Variants in UNC13C observed in about 807,000 individuals in gnomAD.
UNC13C encodes the protein protein unc-13 homolog C.
In UNC13C, 174 loss-of-function variants were observed where a neutral mutation model predicts 245.4. That is an observed-to-expected ratio of 0.71 (90% CI 0.63 to 0.80). UNC13C has a LOEUF of 0.80. Ranked by LOEUF, UNC13C falls within the 30% of genes least tolerant of loss-of-function variation. The pLI is 0.00. For missense variants in UNC13C, 2,829 were observed against 2,602.9 expected, an observed-to-expected ratio of 1.09 and a Z score of -1.89; for synonymous variants, 992 against 895.1, an observed-to-expected ratio of 1.11 and a Z score of -1.93.
intron 4 of UNC13C, among the ~76,000 whole-genome samples, chr15:54,153,924 A>G (rs1354333058): frequency 6.6e-6 from 1 of 152,032 alleles, no homozygotes; most frequent in Non-Finnish European, 1.5e-5. Context: ...ATTGGTATAT[A>G]ATAGAGGTAC....
the UNC13C span, among the ~76,000 whole-genome samples, chr15:53,946,213 G>T: frequency 6.6e-6 from 1 of 151,994 alleles, no homozygotes; most frequent in African/African-American, 2.4e-5. Context: ...TTCATATTTG[G>T]ATGCCCTTTA....
intron 4 of UNC13C, among the ~76,000 whole-genome samples, chr15:54,200,078 A>G (rs868615772): frequency 1.3e-5 from 2 of 152,136 alleles, no homozygotes; most frequent in Non-Finnish European, 2.9e-5. Flanking sequence ...GCGGTTAAAA[A>G]AGACAAAGAG....
intron 19 of UNC13C, among the ~76,000 whole-genome samples, chr15:54,422,776 A>C (rs1301599571): frequency 6.6e-6 from 1 of 151,768 alleles, no homozygotes; most frequent in South Asian, 2.1e-4. Context: ...ACTCCCACGC[A>C]TCTCCAACTC....
Position 54,015,720 on chromosome 15 carries a change from T to A in UNC13C, c.2817T>A (p.Asn939Lys). ...GTGAAGAGGGGTTAGAACCCTTAAA[T>A]GAAACATCAGCTGAGATGGAAATAA... ...MVSEEGLEPL[N>K]ETSAEMEIRE... Residue 939 changes from asparagine (N) to lysine (K), a missense_variant, in exon 2 of 33, where the codon AAT (asparagine) becomes AAA (lysine). Transcript: ENST00000260323. The A allele has an allele frequency of 6.2e-7, 1 of 1,613,494 alleles. No individual in the cohort carries two copies.
In UNC13C at chr15:54,015,639, A is replaced by G. The variant is rs143506828; in HGVS notation, c.2736A>G (p.Thr912=). Residue 912 remains threonine, a synonymous_variant, in exon 2 of 33, where the codon ACA becomes ACG. Coordinates refer to ENST00000260323, the MANE Select transcript of UNC13C (RefSeq NM_001080534.3). ...MQAYDHLSYE[T]PYETPQDEGY... ...CATATGATCACCTTTCATATGAAAC[A>G]CCTTATGAAACCCCACAAGATGAGG... 6.2e-6 allele frequency: 10 copies of G among 1,613,734 alleles called. No homozygotes were observed. Among genetic ancestry groups the G allele is most frequent in the Non-Finnish European group, 8.5e-6 (10 of 1,179,746 alleles).
At chr15:54,232,482 G>A (rs2035580227) in intron 4 of UNC13C, among the ~76,000 whole-genome samples, 1 of 152,084 alleles carries the variant, frequency 6.6e-6, no homozygotes, top group African/African-American at 2.4e-5. Flanking sequence ...AAATTTGTGG[G>A]TAAATAAGTT....
chr15:54,197,460 C>A (rs1356669320), intron 4 of UNC13C, among the ~76,000 whole-genome samples: 2 of 133,966 alleles, frequency 1.5e-5, no homozygotes, highest in Non-Finnish European at 3.2e-5. Context: ...GAGACTCCAT[C>A]TCAAAAAAAA....
the UNC13C span, among the ~76,000 whole-genome samples, chr15:53,849,265 A>G: frequency 2.6e-5 from 4 of 151,902 alleles, no homozygotes; most frequent in Non-Finnish European, 5.9e-5. Flanking sequence ...TATCTTCAGC[A>G]TTTGTTTTGT....
chr15:53,919,976 CA>C, the UNC13C span, among the ~76,000 whole-genome samples: 3 of 151,212 alleles, frequency 2.0e-5, no homozygotes, highest in African/African-American at 7.3e-5. Flanking sequence ...TTTTTTTTTC[CA>C]ATCCATCTTT....
At chr15:54,458,327 T>G (rs1284531368) in intron 19 of UNC13C, among the ~76,000 whole-genome samples, 1 of 152,098 alleles carries the variant, frequency 6.6e-6, no homozygotes, top group Non-Finnish European at 1.5e-5. Flanking sequence ...TTGGGGAATT[T>G]CCCATGTGCT....
At chr15:54,474,149 T>G (rs943858053) in intron 19 of UNC13C, among the ~76,000 whole-genome samples, 1 of 152,050 alleles carries the variant, frequency 6.6e-6, no homozygotes, top group African/African-American at 2.4e-5. Flanking sequence ...TTTTATATAT[T>G]GATTTGTTGA....
At chr15:54,555,754 A>G (rs567427917) in intron 29 of UNC13C, among the ~76,000 whole-genome samples, 2 of 152,220 alleles carry the variant, frequency 1.3e-5, no homozygotes, top group East Asian at 3.9e-4. Context: ...TATGACATCC[A>G]CAATAGACTG....
chr15:54,614,303 T>C (rs1052242767), intron 30 of UNC13C, among the ~76,000 whole-genome samples: 28 of 151,972 alleles, frequency 1.8e-4, no homozygotes, highest in Admixed American at 5.3e-4. Flanking sequence ...CCCAAGACTT[T>C]CATAATTAAA....
intron 30 of UNC13C, among the ~76,000 whole-genome samples, chr15:54,571,796 C>T (rs1360816474): frequency 6.6e-6 from 1 of 152,082 alleles, no homozygotes; most frequent in African/African-American, 2.4e-5. Context: ...CAGCCCCCTA[C>T]CAGTGAAATA....
intron 2 of UNC13C, among the ~76,000 whole-genome samples, chr15:54,096,336 T>C (rs1257545957): frequency 7.2e-4 from 1 of 1,380 alleles, no homozygotes; most frequent in Non-Finnish European, 1.5e-3. Flanking sequence ...ATTTCTCTAT[T>C]TGGAAAAAAA....
intron 19 of UNC13C, among the ~76,000 whole-genome samples, chr15:54,468,211 T>G (rs1892281322): frequency 6.6e-6 from 1 of 151,728 alleles, no homozygotes; most frequent in Admixed American, 6.6e-5. Flanking sequence ...TATCTGACAT[T>G]GAGCATTTTT....
chr15:54,450,252 C>T (rs192469113), intron 19 of UNC13C, among the ~76,000 whole-genome samples: 25 of 152,356 alleles, frequency 1.6e-4, no homozygotes, highest in African/African-American at 4.8e-4. Flanking sequence ...TGTCCGTTCT[C>T]AGATCTCAAA....
At chr15:54,377,293 C>T (rs2039626931) in intron 17 of UNC13C, among the ~76,000 whole-genome samples, 1 of 152,160 alleles carries the variant, frequency 6.6e-6, no homozygotes, top group African/African-American at 2.4e-5. Context: ...CTGCCATATT[C>T]TATTGGTCAA....
chr15:53,920,193 T>C, the UNC13C span, among the ~76,000 whole-genome samples: 2 of 152,244 alleles, frequency 1.3e-5, no homozygotes, highest in Admixed American at 6.5e-5. Flanking sequence ...GTTTCTATAA[T>C]ATTGTTAAGA....
Sources: gnomAD v4.1 joint callset for allele counts (sites outside exome capture counted in the v4.1 genomes callset) on GRCh38, gnomAD v4.1.1 for gene constraint, MANE v1.5 for transcripts, NCBI Gene and HGNC (gene_info 2026-07-23, HGNC 2026-07-21) for gene names.